TLR5: variants seen among roughly 807,000 people sequenced by gnomAD.
TLR5 encodes toll-like receptor 5.
For missense variants in TLR5, 944 were observed against 999.8 expected (o/e 0.94, Z 0.75); for synonymous variants, 373 against 384.4 (o/e 0.97, Z 0.35).
In TLR5 at chr1:223,132,585, A is replaced by G. The variant is rs911790964; in HGVS notation, c.-115T>C. 4 of 152,292 alleles carry G rather than the reference A, an allele frequency of 2.6e-5. No individual in the cohort carries two copies. In the East Asian group the frequency reaches 7.5e-4, roughly 29 times the overall value. 9.4% of individuals were successfully genotyped at this position (152,292 alleles called of 1,614,324 possible). A position where few individuals can be genotyped will look rare whatever the true frequency, so the allele number is the denominator to read the frequency against. ...AGACTATAGGAATCTCATCACAGTGATGGTAGTCAGTATTTTATTTTTTGG... is the reference window on the plus strand; with the variant it reads ...AGACTATAGGAATCTCATCACAGTGGTGGTAGTCAGTATTTTATTTTTTGG... On this transcript the variant is annotated 5_prime_UTR_variant, in exon 5 of 6. Coordinates refer to ENST00000642603, the MANE Select transcript of TLR5 (RefSeq NM_003268.6).
Position 223,111,744 on chromosome 1 carries a change from A to C in TLR5, c.1288T>G (p.Leu430Val), listed in dbSNP as rs754903543. The change falls in exon 6 of 6, where the codon TTA (leucine) becomes GTA (valine). Residue 430 changes from leucine (L) to valine (V), a missense_variant. Coordinates refer to ENST00000642603, the MANE Select transcript of TLR5 (RefSeq NM_003268.6). ...KINLTANLIHLSENRLENLDI... is the reference protein window; with the variant it reads ...KINLTANLIHVSENRLENLDI... ...AGATTTTCTAGCCTGTTTTCTGATA[A>C]GTGGATGAGGTTCGCTGTAAGGTTG... The C allele has an allele frequency of 6.2e-7, 1 of 1,614,214 alleles. No homozygotes were observed. Among genetic ancestry groups the C allele is most frequent in the Non-Finnish European group, 8.5e-7 (1 of 1,180,038 alleles).
At chr1:223,122,692 C>T (rs1434141052) in intron 5 of TLR5, among the ~76,000 whole-genome samples, 1 of 152,154 alleles carries the variant, frequency 6.6e-6, no homozygotes, top group African/African-American at 2.4e-5. Context: ...TCACACTGCC[C>T]ATAAGTAGAC....
intron 5 of TLR5, chr1:223,128,919 C>A (rs567441583): frequency 1.6e-4 from 25 of 152,316 alleles, no homozygotes; most frequent in African/African-American, 5.8e-4. Context: ...TTGTTCAAAA[C>A]GCCAAGAACC....
chr1:223,113,815 A>T (rs993303065), intron 5 of TLR5, among the ~76,000 whole-genome samples: 1 of 152,194 alleles, frequency 6.6e-6, no homozygotes, highest in African/African-American at 2.4e-5. Flanking sequence ...TTGTTTATTC[A>T]TTCATGATTT....
chr1:223,113,247 C>A (rs1656462212), intron 5 of TLR5, among the ~76,000 whole-genome samples: 1 of 152,162 alleles, frequency 6.6e-6, no homozygotes. Context: ...GCTCTGTTGC[C>A]CAGGCTGGAG....
At chr1:223,117,454 A>C (rs1656724711) in intron 5 of TLR5, among the ~76,000 whole-genome samples, 1 of 151,318 alleles carries the variant, frequency 6.6e-6, no homozygotes, top group African/African-American at 2.4e-5. Context: ...GGAGGCACCG[A>C]GAGTGAGCGA....
chr1:223,115,909 A>AT (rs1656610565), intron 5 of TLR5, among the ~76,000 whole-genome samples: 1 of 152,194 alleles, frequency 6.6e-6, no homozygotes, highest in African/African-American at 2.4e-5. Context: ...CCATCCTGGA[A>AT]TACACACATG....
In TLR5 at chr1:223,134,679, T is replaced by C. The variant is rs1657535070; in HGVS notation, c.-170+3A>G. ...GGCTCGCCCAGAAAGTGAACATCCCTACCTGTCTCCAGGTTCGGACAGCGC... is the reference window on the plus strand; with the variant it reads ...GGCTCGCCCAGAAAGTGAACATCCCCACCTGTCTCCAGGTTCGGACAGCGC... On this transcript the variant is annotated splice_donor_region_variant and intron_variant, in intron 4 of 5. Transcript: ENST00000642603. 1 of 152,340 alleles carries C rather than the reference T, an allele frequency of 6.6e-6. No homozygotes were observed. Among genetic ancestry groups the C allele is most frequent in the Non-Finnish European group, 1.5e-5 (1 of 68,030 alleles). 9.4% of individuals were successfully genotyped at this position (152,340 alleles called of 1,614,324 possible).
intron 5 of TLR5, among the ~76,000 whole-genome samples, chr1:223,115,308 G>A (rs750621417): frequency 7.2e-5 from 11 of 152,168 alleles, no homozygotes; most frequent in Non-Finnish European, 1.3e-4. Flanking sequence ...GGAGTGCAGC[G>A]GTGCTATCTC....
rs1261400536 is a variant in TLR5 at position 223,111,720 on chromosome 1, G to C, written c.1312C>G (p.Leu438Val). ...IHLSENRLENLDILYFLLRVP... is the reference protein window; with the variant it reads ...IHLSENRLENVDILYFLLRVP... ...CGTAGGAGAAAGTAGAGAATATCTA[G>C]ATTTTCTAGCCTGTTTTCTGATAAG... is the stretch of plus-strand genomic sequence containing the variant. Residue 438 changes from leucine to valine, a missense_variant, in exon 6 of 6, where the codon CTA becomes GTA. Transcript: ENST00000642603. 6.2e-7 allele frequency: 1 copy of C among 1,614,152 alleles called. No homozygotes were observed. Among genetic ancestry groups the C allele is most frequent in the Non-Finnish European group, 8.5e-7 (1 of 1,180,022 alleles).
At chr1:223,135,324 G>T (rs2102933565) in intron 3 of TLR5, among the ~76,000 whole-genome samples, 1 of 152,314 alleles carries the variant, frequency 6.6e-6, no homozygotes. Context: ...TGTGCCCAGT[G>T]TCCTGGGACC....
chr1:223,111,954 G>A lies in TLR5; in HGVS notation c.1078C>T (p.Pro360Ser). Residue 360 changes from proline (P) to serine (S), a missense_variant, in exon 6 of 6, where the codon CCT becomes TCT. Transcript: ENST00000642603. ...ELYSSNFYGL[P>S]KVAYIDLQKN... ...TGCAAATCAATGTAGGCTACCTTAGGTAGTCCATAGAAATTCGAACTGTAA... is the reference window on the plus strand; with the variant it reads ...TGCAAATCAATGTAGGCTACCTTAGATAGTCCATAGAAATTCGAACTGTAA... The A allele has an allele frequency of 2.5e-6, 4 of 1,614,128 alleles. No individual in the cohort carries two copies. In the East Asian group the frequency reaches 8.9e-5, roughly 36 times the overall value.
chr1:223,139,823 C>A (rs1657764580), intron 2 of TLR5, among the ~76,000 whole-genome samples: 1 of 152,202 alleles, frequency 6.6e-6, no homozygotes, highest in Non-Finnish European at 1.5e-5. Context: ...TCTAATTTAT[C>A]CAATCTGAGA....
rs756666711 is a variant in TLR5 at position 223,112,304 on chromosome 1, G to A, written c.728C>T (p.Thr243Ile). The change falls in exon 6 of 6, where the codon ACA (threonine) becomes ATA (isoleucine). Residue 243 changes from threonine (T) to isoleucine (I), a missense_variant. Physicochemically the swap from Thr to Ile is moderately conservative, Grantham distance 89. Transcript: ENST00000642603. ...GCTGATGGCATTGCTAAAGTTTCCT[G>A]TGATGTCCACTGTCCAGCCATTTCC... is the stretch of plus-strand genomic sequence containing the variant. ...VSGNGWTVDI[T>I]GNFSNAISKS... 8.1e-6 allele frequency: 13 copies of A among 1,614,206 alleles called. No homozygotes were observed. Among genetic ancestry groups the A allele is most frequent in the Non-Finnish European group, 1.1e-5 (13 of 1,180,036 alleles).
At chr1:223,117,507 G>A (rs73118104) in intron 5 of TLR5, among the ~76,000 whole-genome samples, 1,459 of 141,092 alleles carry the variant, frequency 0.01, 29 homozygotes, top group African/African-American at 0.037. Context: ...TATCATCTCT[G>A]TCCCCTGGTA....
chr1:223,133,530 A>G (rs1484088978), intron 4 of TLR5, among the ~76,000 whole-genome samples: 1 of 152,130 alleles, frequency 6.6e-6, no homozygotes, highest in African/African-American at 2.4e-5. Context: ...AGAACCTAAG[A>G]GTCTGTAATT....
At chr1:223,123,628 G>GTGAGCAGT (rs1375917546) in intron 5 of TLR5, 1 of 152,378 alleles carries the variant, frequency 6.6e-6, no homozygotes, top group East Asian at 1.9e-4. Context: ...AGGTGAGCAG[G>GTGAGCAGT]TGAGCAGAGG....
chr1:223,131,820 A>T lies in TLR5; in HGVS notation c.-5+655T>A, dbSNP rs1288686936. Among the ~76,000 whole-genome samples, 1 of 151,988 alleles carries T rather than the reference A, an allele frequency of 6.6e-6. No homozygotes were observed. Among genetic ancestry groups the T allele is most frequent in the Non-Finnish European group, 1.5e-5 (1 of 67,998 alleles). On this transcript the variant is annotated intron_variant, in intron 5 of 5. Coordinates refer to ENST00000642603, the MANE Select transcript of TLR5 (RefSeq NM_003268.6). The surrounding 1 kb of genome is among the most constrained non-coding windows in gnomAD (Gnocchi z 4.2). ...GGTCTCGAACTCCTGGGATCCAGCG[A>T]TCCACCTGCCTCGGCCTCCCAAAGT... is the stretch of plus-strand genomic sequence containing the variant.
At chr1:223,133,177 A>G (rs1657461709) in intron 4 of TLR5, among the ~76,000 whole-genome samples, 1 of 152,196 alleles carries the variant, frequency 6.6e-6, no homozygotes, top group African/African-American at 2.4e-5. Context: ...CTGAAAGTTG[A>G]AGAGTTGGCT....
Sources: gnomAD v4.1 joint callset for allele counts (sites outside exome capture counted in the v4.1 genomes callset) on GRCh38, gnomAD v4.1.1 for gene constraint, Gnocchi (gnomAD v3.1) non-coding constraint, MANE v1.5 for transcripts, NCBI Gene and HGNC (gene_info 2026-07-23, HGNC 2026-07-21) for gene names.